Variants in ANKRD44 observed in about 807,000 individuals in gnomAD.
ANKRD44 encodes the protein serine/threonine-protein phosphatase 6 regulatory ankyrin repeat subunit B.
Under a neutral mutation model 116.0 loss-of-function variants are expected in ANKRD44, and 35 were observed. The observed-to-expected ratio is 0.30, with a 90% CI of 0.23 to 0.40. The LOEUF (loss-of-function observed/expected upper bound fraction) is 0.40. Among genes scored for constraint, ANKRD44 ranks in the 10% least tolerant of loss-of-function variants. The probability of loss-of-function intolerance (pLI) is 1.00; values close to 1 mark genes in which losing one functional copy is unlikely to be tolerated. For missense variants in ANKRD44, 1,014 were observed against 1,242.6 expected (o/e 0.82, Z 2.77); for synonymous variants, 435 against 461.8 (o/e 0.94, Z 0.74).
At chr2:197,081,154 G>A (rs1412475337) in intron 15 of ANKRD44, among the ~76,000 whole-genome samples, 1 of 152,216 alleles carries the variant, frequency 6.6e-6, no homozygotes, top group African/African-American at 2.4e-5. Flanking sequence ...AGGGGCCCAG[G>A]AGCATCCTTT....
At chr2:197,148,149 C>T (rs985896402) in intron 2 of ANKRD44, among the ~76,000 whole-genome samples, 2 of 152,098 alleles carry the variant, frequency 1.3e-5, no homozygotes, top group African/African-American at 4.8e-5. Flanking sequence ...AAATAAAGCC[C>T]TAGGCAAGCA....
At chr2:197,013,748 C>CAA in intron 17 of ANKRD44, 36 bp from the exon 18 acceptor site, 1 of 1,608,604 alleles carries the variant, frequency 6.2e-7, no homozygotes, top group Non-Finnish European at 8.5e-7. Flanking sequence ...CATGCTTGCT[C>CAA]GCTCACCTCA....
chr2:197,051,935 A>G (rs2077115738), intron 16 of ANKRD44, among the ~76,000 whole-genome samples: 1 of 152,230 alleles, frequency 6.6e-6, no homozygotes, highest in Admixed American at 6.5e-5. Flanking sequence ...AATAGTACCA[A>G]GGTTGAGAAA....
chr2:197,150,897 G>A (rs1050666256), intron 2 of ANKRD44, among the ~76,000 whole-genome samples: 1 of 152,032 alleles, frequency 6.6e-6, no homozygotes, highest in African/African-American at 2.4e-5. Flanking sequence ...CTCCTGAGGT[G>A]AAATAGTGGA....
intron 2 of ANKRD44, among the ~76,000 whole-genome samples, chr2:197,181,400 A>T (rs1447000904): frequency 1.3e-5 from 2 of 152,244 alleles, no homozygotes; most frequent in Admixed American, 6.5e-5. Context: ...GTTTCTATTA[A>T]TGATACTTTA....
intron 1 of ANKRD44, among the ~76,000 whole-genome samples, chr2:197,284,878 T>C (rs1412181930): frequency 2.3e-5 from 3 of 131,272 alleles, no homozygotes; most frequent in African/African-American, 7.9e-5. Flanking sequence ...AGAGCAAGAC[T>C]CCATCTCAAA....
chr2:197,065,446 G>A (rs1414661123), intron 16 of ANKRD44, among the ~76,000 whole-genome samples: 1 of 152,108 alleles, frequency 6.6e-6, no homozygotes, highest in African/African-American at 2.4e-5. Context: ...AAATAACTAA[G>A]ATCAGAGCAG....
At chr2:197,123,566 G>T (rs543889473) in intron 6 of ANKRD44, among the ~76,000 whole-genome samples, 1 of 152,346 alleles carries the variant, frequency 6.6e-6, no homozygotes, top group South Asian at 2.1e-4. Flanking sequence ...GGGAGGCAGA[G>T]GCTGCAGTGA....
chr2:197,091,160 C>T (rs1186939835), intron 10 of ANKRD44, among the ~76,000 whole-genome samples: 3 of 152,224 alleles, frequency 2.0e-5, no homozygotes, highest in African/African-American at 4.8e-5. Context: ...GACATCAAAG[C>T]GCACTGTAAC....
chr2:197,186,878 C>T, intron 2 of ANKRD44, 145 bp downstream of exon 2: 2 of 612,014 alleles, frequency 3.3e-6, no homozygotes, highest in South Asian at 2.4e-5. Flanking sequence ...TATTTTATTT[C>T]TTATATAGGG....
chr2:197,139,264 T>A (rs1295992202), intron 3 of ANKRD44, among the ~76,000 whole-genome samples: 3 of 152,090 alleles, frequency 2.0e-5, no homozygotes, highest in Admixed American at 2.0e-4. Context: ...GAATCCTAAA[T>A]GTCAATCAAG....
At chr2:197,255,947 T>C (rs527974834) in intron 1 of ANKRD44, among the ~76,000 whole-genome samples, 13 of 152,362 alleles carry the variant, frequency 8.5e-5, no homozygotes, top group African/African-American at 2.9e-4. Flanking sequence ...CTGGGTGCAG[T>C]TTAAAAATAA....
chr2:197,258,955 C>T (rs573849683), intron 1 of ANKRD44, among the ~76,000 whole-genome samples: 3 of 152,134 alleles, frequency 2.0e-5, no homozygotes, highest in Non-Finnish European at 2.9e-5. Context: ...TCATGAAGTG[C>T]TCTGGGAGTT....
At chr2:197,026,061 A>C (rs1476579652) in intron 16 of ANKRD44, among the ~76,000 whole-genome samples, 1 of 150,118 alleles carries the variant, frequency 6.7e-6, no homozygotes, top group African/African-American at 2.5e-5. Context: ...AAAAAAAAAA[A>C]CACCTTTCTG....
At chr2:197,177,748 A>C (rs1261875203) in intron 2 of ANKRD44, among the ~76,000 whole-genome samples, 1 of 152,204 alleles carries the variant, frequency 6.6e-6, no homozygotes, top group Non-Finnish European at 1.5e-5. Flanking sequence ...GTTTTGGAGA[A>C]TATTCTTCTA....
intron 18 of ANKRD44, 87 bp downstream of exon 18, chr2:197,013,424 G>A (rs1244532266): frequency 7.2e-7 from 1 of 1,393,594 alleles, no homozygotes; most frequent in African/African-American, 1.4e-5. Flanking sequence ...TTAAAAAACT[G>A]GGATGAAAGA....
At chr2:197,003,593 G>A (rs1374724897) in intron 21 of ANKRD44, among the ~76,000 whole-genome samples, 1 of 152,156 alleles carries the variant, frequency 6.6e-6, no homozygotes, top group African/African-American at 2.4e-5. Context: ...CTGGACAAAG[G>A]CTGCACTGAA....
intron 3 of ANKRD44, among the ~76,000 whole-genome samples, chr2:197,143,531 C>T (rs1268161916): frequency 1.3e-5 from 2 of 151,892 alleles, no homozygotes; most frequent in African/African-American, 4.8e-5. Flanking sequence ...GACATGAACA[C>T]GTCATTTTTT....
At chr2:196,998,498 A>G (rs2076055207) in intron 24 of ANKRD44, 79 bp from the exon 25 acceptor site, 1 of 967,716 alleles carries the variant, frequency 1.0e-6, no homozygotes, top group Non-Finnish European at 1.6e-6. Flanking sequence ...TACAAACACA[A>G]TAACATATTT....
Sources: gnomAD v4.1 joint callset for allele counts (sites outside exome capture counted in the v4.1 genomes callset) on GRCh38, gnomAD v4.1.1 for gene constraint, MANE v1.5 for transcripts, NCBI Gene and HGNC (gene_info 2026-07-23, HGNC 2026-07-21) for gene names.